PLCL1: variants seen among roughly 807,000 people sequenced by gnomAD.
PLCL1 encodes the protein inactive phospholipase C-like protein 1.
In PLCL1, 41 loss-of-function variants were observed where a neutral mutation model predicts 84.4. The ratio of observed to expected loss-of-function variants is 0.49; its 90% CI spans 0.38 to 0.63. The LOEUF (loss-of-function observed/expected upper bound fraction) is 0.63, where lower values mean the gene tolerates loss of function less well. PLCL1 is among the 30% of genes least tolerant of loss of function. PLCL1 has a pLI of 0.00. For synonymous variants in PLCL1, 490 were observed against 488.3 expected (o/e 1.00, Z -0.05); for missense variants, 1,206 against 1,367.8 (o/e 0.88, Z 1.87).
Position 197,890,699 on chromosome 2 carries a change from T to C in PLCL1, c.240+85360T>C, listed in dbSNP as rs866080649. Among the ~76,000 whole-genome samples the C allele has an allele frequency of 2.8e-4, 37 of 131,642 alleles. 1 individual carries two copies. The highest frequency in any genetic ancestry group is 5.1e-4 in the South Asian group (2 of 3,916). 86.4% of individuals were successfully genotyped at this position (131,642 alleles called of 152,430 possible). ...TTTTTTTGCTATATATATATATATATATACACACACACATATACGTATATA... is the reference window on the plus strand; with the variant it reads ...TTTTTTTGCTATATATATATATATACATACACACACACATATACGTATATA... On this transcript the variant is annotated intron_variant, in intron 1 of 5. Coordinates refer to ENST00000428675, the MANE Select transcript of PLCL1 (RefSeq NM_006226.4).
intron 1 of PLCL1, among the ~76,000 whole-genome samples, chr2:197,904,884 G>T (rs1688345861): frequency 6.6e-6 from 1 of 152,034 alleles, no homozygotes; most frequent in African/African-American, 2.4e-5. Context: ...AGTATTATTA[G>T]CTCTAATATT....
At chr2:197,963,237 TG>T (rs1190029194) in intron 1 of PLCL1, among the ~76,000 whole-genome samples, 6 of 152,114 alleles carry the variant, frequency 3.9e-5, no homozygotes, top group African/African-American at 1.4e-4. Context: ...TTCACATCCT[TG>T]TCAGCATTTG....
chr2:197,957,758 C>T (rs1197877941), intron 1 of PLCL1, among the ~76,000 whole-genome samples: 2 of 152,022 alleles, frequency 1.3e-5, no homozygotes, highest in Non-Finnish European at 2.9e-5. Flanking sequence ...ATGCCAAATG[C>T]CTTATTTTGC....
intron 1 of PLCL1, among the ~76,000 whole-genome samples, chr2:197,943,150 T>C (rs989798521): frequency 1.4e-5 from 2 of 147,262 alleles, no homozygotes; most frequent in African/African-American, 5.0e-5. Context: ...GTGAGCCAGA[T>C]TGTGCCACTG....
chr2:198,111,342 C>T (rs1285251665), intron 5 of PLCL1, among the ~76,000 whole-genome samples: 8 of 151,844 alleles, frequency 5.3e-5, no homozygotes, highest in Non-Finnish European at 1.0e-4. Flanking sequence ...AGTAGAGTCA[C>T]ATGTCCCTTC....
intron 1 of PLCL1, among the ~76,000 whole-genome samples, chr2:198,019,569 C>T (rs1213448070): frequency 6.6e-6 from 1 of 152,032 alleles, no homozygotes; most frequent in Non-Finnish European, 1.5e-5. Context: ...AAAAACACAG[C>T]CCAAGAATTT....
intron 1 of PLCL1, among the ~76,000 whole-genome samples, chr2:197,919,625 A>G (rs1368381485): frequency 6.6e-6 from 1 of 152,210 alleles, no homozygotes; most frequent in East Asian, 1.9e-4. Context: ...GAAGTTAGGC[A>G]TATGACTTGT....
intron 1 of PLCL1, among the ~76,000 whole-genome samples, chr2:198,028,136 C>T (rs1249403340): frequency 2.6e-5 from 4 of 152,110 alleles, no homozygotes; most frequent in East Asian, 3.8e-4. Context: ...CTGCCATGTG[C>T]GGCCAGGAAC....
intron 1 of PLCL1, among the ~76,000 whole-genome samples, chr2:198,012,249 G>A (rs1559073454): frequency 6.6e-6 from 1 of 152,138 alleles, no homozygotes; most frequent in African/African-American, 2.4e-5. Flanking sequence ...GGGCAATGGG[G>A]ATTGCTGGGC....
chr2:198,141,394 T>C (rs1410462165), intron 5 of PLCL1, among the ~76,000 whole-genome samples: 1 of 151,960 alleles, frequency 6.6e-6, no homozygotes, highest in Non-Finnish European at 1.5e-5. Context: ...TAGGCCTTCA[T>C]TCTAGAGAGC....
chr2:198,103,058 T>G (rs73984509), intron 4 of PLCL1, among the ~76,000 whole-genome samples: 3,960 of 152,174 alleles, frequency 0.026, 156 homozygotes, highest in African/African-American at 0.09. Context: ...AGCCTTTTTA[T>G]TTTTAGCCAA....
At chr2:198,081,776 T>C (rs902196010) in intron 1 of PLCL1, among the ~76,000 whole-genome samples, 1 of 152,178 alleles carries the variant, frequency 6.6e-6, no homozygotes, top group South Asian at 2.1e-4. Context: ...TTTAGTCAAT[T>C]GAATAATAAA....
chr2:198,121,250 T>A (rs774992124), intron 5 of PLCL1, among the ~76,000 whole-genome samples: 2 of 152,120 alleles, frequency 1.3e-5, no homozygotes, highest in Non-Finnish European at 2.9e-5. Flanking sequence ...AAATATTTTC[T>A]TCCATTCTAT....
rs928146963 is a variant in PLCL1 at position 197,979,659 on chromosome 2, C to G, written c.241-104099C>G. Among the ~76,000 whole-genome samples, 5 of 152,184 alleles carry G rather than the reference C, an allele frequency of 3.3e-5. No individual in the cohort carries two copies. In the East Asian group the frequency reaches 9.6e-4, roughly 29 times the overall value. ...TCTGAGTCCCTTTAGATTCAAATCC[C>G]AGTTGCCTTCCCCAGGTTCATCTCT... On this transcript the variant is annotated intron_variant, in intron 1 of 5. Transcript: ENST00000428675.
At chr2:197,958,312 G>A (rs187219472) in intron 1 of PLCL1, among the ~76,000 whole-genome samples, 3 of 151,764 alleles carry the variant, frequency 2.0e-5, no homozygotes, top group African/African-American at 7.2e-5. Context: ...AAGAAGAATT[G>A]TCTTGGACCA....
At chr2:198,019,762 T>C (rs759289960) in intron 1 of PLCL1, among the ~76,000 whole-genome samples, 1 of 152,218 alleles carries the variant, frequency 6.6e-6, no homozygotes, top group African/African-American at 2.4e-5. Flanking sequence ...CTACATTTGA[T>C]TGGTGTATCT....
chr2:197,956,324 T>C (rs1689493222), intron 1 of PLCL1, among the ~76,000 whole-genome samples: 1 of 152,184 alleles, frequency 6.6e-6, no homozygotes, highest in South Asian at 2.1e-4. Context: ...CAGTCATTGA[T>C]GGGCATTTGG....
chr2:197,888,477 G>C (rs191089804), intron 1 of PLCL1, among the ~76,000 whole-genome samples: 1 of 152,244 alleles, frequency 6.6e-6, no homozygotes, highest in African/African-American at 2.4e-5. Flanking sequence ...AAAGGTCAGA[G>C]GTTGAGTCAT....
intron 4 of PLCL1, among the ~76,000 whole-genome samples, chr2:198,102,106 C>G (rs981150921): frequency 6.6e-6 from 1 of 152,028 alleles, no homozygotes; most frequent in Non-Finnish European, 1.5e-5. Flanking sequence ...CATATCAACA[C>G]GCGGTGGAGC....
Sources: allele counts gnomAD v4.1 joint callset (sites outside exome capture counted in the v4.1 genomes callset), GRCh38; gene constraint gnomAD v4.1.1; transcripts MANE v1.5; gene names NCBI Gene and HGNC (gene_info 2026-07-23, HGNC 2026-07-21).